BRSK2: variants seen among roughly 807,000 people sequenced by gnomAD.
BRSK2 encodes BR serine/threonine kinase 2, also known as serine/threonine-protein kinase BRSK2.
In BRSK2, 19 loss-of-function variants were observed where a neutral mutation model predicts 83.3. The ratio of observed to expected loss-of-function variants is 0.23; its 90% CI spans 0.16 to 0.33. The LOEUF is 0.33. Among genes scored for constraint, BRSK2 ranks in the 10% least tolerant of loss-of-function variants. The pLI is 1.00. For missense variants in BRSK2, 798 were observed against 1,042.3 expected, an observed-to-expected ratio of 0.77 and a Z score of 3.23; for synonymous variants, 519 against 435.4, an observed-to-expected ratio of 1.19 and a Z score of -2.39.
At chr11:1,442,677 G>T in intron 5 of BRSK2, 71 bp downstream of exon 5, 1 of 1,312,008 alleles carries the variant, frequency 7.6e-7, no homozygotes, top group South Asian at 1.2e-5. Flanking sequence ...CCAGTGGACT[G>T]AGAGGCCCCC....
In BRSK2 at chr11:1,450,685, C is replaced by T. The variant is rs375264116; in HGVS notation, c.1386C>T (p.Pro462=). ...PKESPAGTPN[P]TPPSSPSVGG... is the part of the protein sequence containing the mutation. ...AGAGCCCGGCTGGCACGCCCAACCCCACGCCCCCGTCCAGCCCCAGCGTCG... is the reference window on the plus strand; with the variant it reads ...AGAGCCCGGCTGGCACGCCCAACCCTACGCCCCCGTCCAGCCCCAGCGTCG... The change falls in exon 14 of 20, where the codon CCC becomes CCT. Residue 462 remains proline, a synonymous_variant. Coordinates refer to ENST00000528841, the MANE Select transcript of BRSK2 (RefSeq NM_001256627.2). 2.2e-5 allele frequency: 35 copies of T among 1,609,310 alleles called. No individual in the cohort carries two copies. Among genetic ancestry groups the T allele is most frequent in the Middle Eastern group, 1.6e-4 (1 of 6,062 alleles).
intron 18 of BRSK2, among the ~76,000 whole-genome samples, chr11:1,457,408 A>G (rs7943732): frequency 0.4 from 60,780 of 152,006 alleles, 12,765 homozygotes; most frequent in African/African-American, 0.5. Flanking sequence ...ATGGGCTCAC[A>G]CAGGGGAGGG....
At position 1,444,932 on chromosome 11, in the gene BRSK2, C is replaced by T. The variant is rs371896358; in HGVS notation, c.781-39C>T. 50 of 1,600,262 alleles carry T rather than the reference C, an allele frequency of 3.1e-5. No homozygotes were observed. In the African/African-American group the frequency reaches 6.4e-4, roughly 21 times the overall value. ...CCTCCTAATGTGGGCTCTTTCCGTC[C>T]CTCGTCCGTACTAACTCCCTGTTTC... On this transcript the variant is annotated intron_variant, in intron 8 of 19. Transcript: ENST00000528841.
In BRSK2 at chr11:1,422,517, C is replaced by T. The variant is rs189303196; in HGVS notation, c.92-13523C>T. Among the ~76,000 whole-genome samples the T allele has an allele frequency of 1.7e-3, 257 of 152,212 alleles. 1 individual carries two copies. Among genetic ancestry groups the T allele is most frequent in the African/African-American group, 6.0e-3 (250 of 41,514 alleles). Reference sequence around the variant, plus strand: ...TGGGGACGGTGCAGAGGGGCCTGTGCACCTCCTGAGTTTGCAGTTGCTACA... The same window carrying T: ...TGGGGACGGTGCAGAGGGGCCTGTGTACCTCCTGAGTTTGCAGTTGCTACA... On this transcript the variant is annotated intron_variant, in intron 1 of 19. Coordinates refer to ENST00000528841, the MANE Select transcript of BRSK2 (RefSeq NM_001256627.2).
In BRSK2 at chr11:1,433,069, T is replaced by C. The variant is rs182403358; in HGVS notation, c.92-2971T>C. ...GTCTGGTCAGGTTTTGCCACTGTGC[T>C]CAGCAGTGAGCCTCTTCTGCGGTCT... is the stretch of plus-strand genomic sequence containing the variant. On this transcript the variant is annotated intron_variant, in intron 1 of 19. Transcript: ENST00000528841. 4.2e-3 allele frequency among the ~76,000 whole-genome samples: 77 copies of C among 18,222 alleles called. 10 individuals are homozygous for C. The highest frequency in any genetic ancestry group is 0.021 in the African/African-American group (71 of 3,458). The allele number at this position is 18,222 out of a possible 152,430, so 12.0% of individuals were successfully genotyped here.
rs144786521 is a variant in BRSK2, at chr11:1,462,146, C to T, written c.*1423C>T. ...GAGTCGGTGGCGCTCCTCTGCAGGG[C>T]GTTCTGTGCAGAGCGAGGCCCAGGG... On this transcript the variant is annotated 3_prime_UTR_variant, in exon 20 of 20. Transcript: ENST00000528841. The T allele has an allele frequency of 1.4e-4, 22 of 152,244 alleles. No homozygotes were observed. The highest frequency in any genetic ancestry group is 4.1e-4 in the African/African-American group (17 of 41,542). 9.4% of individuals were successfully genotyped at this position (152,244 alleles called of 1,614,324 possible).
intron 1 of BRSK2, among the ~76,000 whole-genome samples, chr11:1,412,537 C>T (rs187285998): frequency 1.3e-5 from 2 of 152,192 alleles, no homozygotes; most frequent in African/African-American, 4.8e-5. Flanking sequence ...GCTCTGTCCT[C>T]TCTGGTCTGT....
chr11:1,452,143 A>G (rs533635596), intron 15 of BRSK2, among the ~76,000 whole-genome samples: 2 of 152,236 alleles, frequency 1.3e-5, no homozygotes, highest in Admixed American at 6.5e-5. Context: ...GACCCCGGGA[A>G]ATGAAGATGT....
At chr11:1,405,167 C>A (rs1411151442) in intron 1 of BRSK2, among the ~76,000 whole-genome samples, 1 of 151,916 alleles carries the variant, frequency 6.6e-6, no homozygotes, top group Admixed American at 6.5e-5. Context: ...GCTGCCTCAT[C>A]CACAGCCCTG....
chr11:1,429,328 GGT>G (rs1444523775), intron 1 of BRSK2, among the ~76,000 whole-genome samples: 1 of 110,078 alleles, frequency 9.1e-6, no homozygotes. Flanking sequence ...TGTGCGCACA[GGT>G]GTGTGTCCTG....
At chr11:1,446,139 A>T (rs949712586) in intron 12 of BRSK2, among the ~76,000 whole-genome samples, 2 of 117,148 alleles carry the variant, frequency 1.7e-5, no homozygotes, top group African/African-American at 7.8e-5. Flanking sequence ...GCTGTGCTGG[A>T]CTGGACTGGG....
At chr11:1,399,830 C>T (rs911816330) in intron 1 of BRSK2, among the ~76,000 whole-genome samples, 3 of 152,116 alleles carry the variant, frequency 2.0e-5, no homozygotes, top group Admixed American at 6.5e-5. Flanking sequence ...TGGGGTGTGT[C>T]GTGGCTGAAC....
chr11:1,444,867 T>A, intron 8 of BRSK2, 104 bp from the exon 9 acceptor site: 4 of 987,284 alleles, frequency 4.1e-6, no homozygotes, highest in East Asian at 2.5e-5. Flanking sequence ...CACCCTCTCC[T>A]GCTCTCTCCG....
At chr11:1,460,212 C>A (rs1018188342) in intron 19 of BRSK2, among the ~76,000 whole-genome samples, 2 of 152,298 alleles carry the variant, frequency 1.3e-5, no homozygotes, top group African/African-American at 4.8e-5. Flanking sequence ...AGCTCGGAGG[C>A]GCTGGGGTCC....
At position 1,460,401 on chromosome 11, in the gene BRSK2, G is replaced by GTTTT. The variant is rs758651713; in HGVS notation, c.1988-97_1988-96insTTTT. The GTTTT allele has an allele frequency of 8.9e-5, 88 of 985,212 alleles. 3 individuals are homozygous for GTTTT. In the East Asian group the frequency reaches 1.2e-3, roughly 14 times the overall value. The allele number at this position is 985,212 out of a possible 1,614,324, so 61.0% of individuals were successfully genotyped here. A position where few individuals can be genotyped will look rare whatever the true frequency, so the allele number is the denominator to read the frequency against. On this transcript the variant is annotated intron_variant, in intron 19 of 19. Transcript: ENST00000528841. ...GGCCTCTTCGTTCATTTGTTTGTTT[G>GTTTT]TTCTCTTTCTCTCTCCTTCCCTCCC... is the stretch of plus-strand genomic sequence containing the variant.
chr11:1,455,811 C>A (rs1439006849), intron 16 of BRSK2, among the ~76,000 whole-genome samples: 1 of 152,022 alleles, frequency 6.6e-6, no homozygotes, highest in Non-Finnish European at 1.5e-5. Context: ...CGCTGGGTGG[C>A]CCTGAGTTCT....
chr11:1,408,343 G>A (rs563373219), intron 1 of BRSK2, among the ~76,000 whole-genome samples: 18 of 152,346 alleles, frequency 1.2e-4, no homozygotes, highest in African/African-American at 4.3e-4. Flanking sequence ...TGGGGAGGGT[G>A]GAGTCCAGGG....
Position 1,450,688 on chromosome 11 carries a change from G to T in BRSK2, c.1389G>T (p.Thr463=). The T allele has an allele frequency of 6.2e-7, 1 of 1,608,364 alleles. No homozygotes were observed. Among genetic ancestry groups the T allele is most frequent in the Non-Finnish European group, 8.5e-7 (1 of 1,178,332 alleles). The part of the protein sequence containing the change: ...KESPAGTPNP[T]PPSSPSVGGV... ...GCCCGGCTGGCACGCCCAACCCCAC[G>T]CCCCCGTCCAGCCCCAGCGTCGGAG... The change falls in exon 14 of 20, where the codon ACG becomes ACT. Residue 463 remains threonine (T), a synonymous_variant. Coordinates refer to ENST00000528841, the MANE Select transcript of BRSK2 (RefSeq NM_001256627.2).
At chr11:1,427,010 C>T (rs917914633) in intron 1 of BRSK2, among the ~76,000 whole-genome samples, 6 of 152,244 alleles carry the variant, frequency 3.9e-5, no homozygotes, top group South Asian at 2.1e-4. Flanking sequence ...GGGGGCTGCG[C>T]GGGGTCCTTC....
Sources: allele counts gnomAD v4.1 joint callset (sites outside exome capture counted in the v4.1 genomes callset), GRCh38; gene constraint gnomAD v4.1.1; transcripts MANE v1.5; gene names NCBI Gene and HGNC (gene_info 2026-07-23, HGNC 2026-07-21).